The following ARMC9 variants were observed in gnomAD, a reference collection of about 807,000 sequenced individuals.
ARMC9 encodes the protein armadillo repeat containing 9.
Under a neutral mutation model 107.0 loss-of-function variants are expected in ARMC9, and 94 were observed. The observed-to-expected ratio is 0.88, with a 90% CI of 0.74 to 1.04. The LOEUF is 1.04. Ranked by LOEUF, ARMC9 falls within the 50% of genes least tolerant of loss-of-function variation. ARMC9 has a pLI of 0.00. For synonymous variants in ARMC9, 380 were observed against 396.9 expected, an observed-to-expected ratio of 0.96 and a Z score of 0.51; for missense variants, 942 against 1,030.1, an observed-to-expected ratio of 0.91 and a Z score of 1.17.
intron 20 of ARMC9, among the ~76,000 whole-genome samples, chr2:231,337,290 A>ATTTTTTTT (rs58078324): frequency 7.9e-5 from 3 of 38,028 alleles, no homozygotes; most frequent in Non-Finnish European, 1.3e-4. Flanking sequence ...ATATATATAT[A>ATTTTTTTT]TTTTTTTTTT....
At chr2:231,248,468 G>T (rs933546100) in intron 9 of ARMC9, among the ~76,000 whole-genome samples, 4 of 152,104 alleles carry the variant, frequency 2.6e-5, no homozygotes, top group Admixed American at 1.3e-4. Flanking sequence ...TCACCTTAGG[G>T]TGAAGTGGTT....
At chr2:231,337,283 T>C (rs1346394206) in intron 20 of ARMC9, among the ~76,000 whole-genome samples, 1 of 62,822 alleles carries the variant, frequency 1.6e-5, no homozygotes, top group Non-Finnish European at 3.0e-5. Context: ...TATATATATA[T>C]ATATATATTT....
chr2:231,273,736 A>T (rs1195047276), intron 14 of ARMC9, among the ~76,000 whole-genome samples: 2 of 151,994 alleles, frequency 1.3e-5, no homozygotes, highest in Non-Finnish European at 2.9e-5. Context: ...TTTTTAGTTT[A>T]CAGTTTTGTT....
chr2:231,226,732 T>C (rs1325531493), intron 6 of ARMC9, 42 bp from the exon 7 acceptor site: 1 of 1,606,258 alleles, frequency 6.2e-7, no homozygotes. Context: ...CCAAGTACCG[T>C]TCCCTGAATG....
chr2:231,330,422 C>T (rs960985196), intron 19 of ARMC9, among the ~76,000 whole-genome samples: 1 of 152,132 alleles, frequency 6.6e-6, no homozygotes, highest in Non-Finnish European at 1.5e-5. Flanking sequence ...CTAGAAGGGA[C>T]GAGAGTGCCC....
At chr2:231,202,554 T>C (rs1388042709) in intron 1 of ARMC9, among the ~76,000 whole-genome samples, 1 of 152,020 alleles carries the variant, frequency 6.6e-6, no homozygotes, top group Non-Finnish European at 1.5e-5. Context: ...ACTCATGAGC[T>C]CAAGTGATCT....
At chr2:231,250,925 G>A (rs1656711305) in intron 9 of ARMC9, among the ~76,000 whole-genome samples, 1 of 152,168 alleles carries the variant, frequency 6.6e-6, no homozygotes, top group South Asian at 2.1e-4. Flanking sequence ...TGCATGAAAT[G>A]AGTTAATATG....
intron 16 of ARMC9, among the ~76,000 whole-genome samples, chr2:231,281,684 G>A (rs575910552): frequency 2.0e-5 from 3 of 152,304 alleles, no homozygotes; most frequent in African/African-American, 4.8e-5. Context: ...AAAAAGAGGG[G>A]TTCCTATCGA....
intron 17 of ARMC9, among the ~76,000 whole-genome samples, chr2:231,283,604 A>G (rs1478088697): frequency 6.6e-6 from 1 of 151,780 alleles, no homozygotes; most frequent in Non-Finnish European, 1.5e-5. Context: ...TGATTTTTGT[A>G]TTTTTAGTAG....
At chr2:231,247,394 T>A (rs1268734695) in intron 9 of ARMC9, among the ~76,000 whole-genome samples, 2 of 152,254 alleles carry the variant, frequency 1.3e-5, no homozygotes, top group Non-Finnish European at 2.9e-5. Context: ...CTTCCTGCTA[T>A]GTGGCTTGTG....
intron 19 of ARMC9, among the ~76,000 whole-genome samples, chr2:231,328,590 T>C (rs1030822196): frequency 5.9e-5 from 9 of 152,122 alleles, no homozygotes; most frequent in Non-Finnish European, 1.3e-4. Flanking sequence ...AGGACTATCC[T>C]TTCTCATTGA....
chr2:231,256,085 C>T (rs1027321219), intron 9 of ARMC9: 15 of 1,545,488 alleles, frequency 9.7e-6, no homozygotes, highest in Admixed American at 2.1e-5. Context: ...AGACCGCCGC[C>T]GCGCCGCCAT....
chr2:231,343,660 A>G (rs187342866), intron 20 of ARMC9, among the ~76,000 whole-genome samples: 3 of 152,342 alleles, frequency 2.0e-5, no homozygotes, highest in South Asian at 4.1e-4. Flanking sequence ...AATAGTAACC[A>G]TATTACAAAA....
At position 231,276,779 on chromosome 2, in the gene ARMC9, T is replaced by G. The variant is rs749527570; in HGVS notation, c.1474+4T>G. 3.1e-6 allele frequency: 5 copies of G among 1,613,814 alleles called. No homozygotes were observed. Among genetic ancestry groups the G allele is most frequent in the Non-Finnish European group, 3.4e-6 (4 of 1,179,956 alleles). On this transcript the variant is annotated splice_donor_region_variant and intron_variant, in intron 15 of 24. Transcript: ENST00000611582. Reference sequence around the variant, plus strand: ...AACCTCTGCCTCCGCAGCACAGGTCTCAGCCCCGACCCTCATTCTAGTGCA... The same window carrying G: ...AACCTCTGCCTCCGCAGCACAGGTCGCAGCCCCGACCCTCATTCTAGTGCA...
intron 7 of ARMC9, among the ~76,000 whole-genome samples, chr2:231,231,335 A>G (rs2035192748): frequency 6.6e-6 from 1 of 152,176 alleles, no homozygotes; most frequent in Non-Finnish European, 1.5e-5. Context: ...TTCATCTTTG[A>G]AAGTTTTAAC....
intron 21 of ARMC9, among the ~76,000 whole-genome samples, chr2:231,351,323 C>G (rs2045069711): frequency 6.6e-6 from 1 of 151,914 alleles, no homozygotes; most frequent in African/African-American, 2.4e-5. Context: ...CAGAGAGAAC[C>G]TGGATCTGCA....
intron 10 of ARMC9, 146 bp downstream of exon 10, chr2:231,256,766 G>A (rs2037856396): frequency 7.3e-6 from 6 of 819,362 alleles, no homozygotes; most frequent in South Asian, 3.1e-5. Context: ...AAGGAAATAC[G>A]AGTACTTATA....
At position 231,360,908 on chromosome 2, in the gene ARMC9, G is replaced by T; in HGVS notation, c.2261+25G>T. On this transcript the variant is annotated intron_variant, in intron 23 of 24. Transcript: ENST00000611582. The surrounding 1 kb of genome is among the most constrained non-coding windows in gnomAD (Gnocchi z 4.7). Reference sequence around the variant, plus strand: ...GGTAAGGGGGATATCACAAGGCCTCGAACCTGACTCTCGGAGCTCTGGGAG... The same window carrying T: ...GGTAAGGGGGATATCACAAGGCCTCTAACCTGACTCTCGGAGCTCTGGGAG... 1 of 1,494,790 alleles carries T rather than the reference G, an allele frequency of 6.7e-7. No homozygotes were observed. Among genetic ancestry groups the T allele is most frequent in the Non-Finnish European group, 8.9e-7 (1 of 1,127,498 alleles). The allele number at this position is 1,494,790 out of a possible 1,614,324, so 92.6% of individuals were successfully genotyped here.
rs915558405 is a variant in ARMC9 at position 231,226,783 on chromosome 2, G to C, written c.607G>C (p.Gly203Arg). ...PKLLTIYKEN[G>R]QSNKEILQQL... is the part of the protein sequence containing the mutation. ...TTCTTTTTCATCCCAGAAGGAGAAT[G>C]GACAAAGTAACAAAGGTAAATCATC... Residue 203 changes from glycine to arginine, a missense_variant, in exon 7 of 25, where the codon GGA (glycine) becomes CGA (arginine). By Grantham distance (125) the Gly-to-Arg change is moderately radical. Coordinates refer to ENST00000611582, the MANE Select transcript of ARMC9 (RefSeq NM_001352754.2). 1.9e-6 allele frequency: 3 copies of C among 1,613,706 alleles called. No individual in the cohort carries two copies. The highest frequency in any genetic ancestry group is 2.5e-6 in the Non-Finnish European group (3 of 1,179,720).
Sources: allele counts gnomAD v4.1 joint callset (sites outside exome capture counted in the v4.1 genomes callset), GRCh38; gene constraint gnomAD v4.1.1; non-coding constraint Gnocchi (gnomAD v3.1); transcripts MANE v1.5; gene names NCBI Gene and HGNC (gene_info 2026-07-23, HGNC 2026-07-21).